The following PCDH9 variants were observed in gnomAD, a reference collection of about 807,000 sequenced individuals.
PCDH9 encodes the protein protocadherin 9.
Under a neutral mutation model 70.6 loss-of-function variants are expected in PCDH9, and 24 were observed. The ratio of observed to expected loss-of-function variants is 0.34; its 90% CI spans 0.25 to 0.48. PCDH9 has a LOEUF of 0.48. Ranked by LOEUF, PCDH9 falls within the 20% of genes least tolerant of loss-of-function variation. The pLI is 0.99. For missense variants in PCDH9, 1,281 were observed against 1,503.6 expected (o/e 0.85, Z 2.45); for synonymous variants, 562 against 558.5 (o/e 1.01, Z -0.09).
intron 3 of PCDH9, among the ~76,000 whole-genome samples, chr13:66,750,256 GTTAA>G (rs1566169293): frequency 6.6e-6 from 1 of 152,104 alleles, no homozygotes; most frequent in Non-Finnish European, 1.5e-5. Context: ...TTTAAAATTA[GTTAA>G]TTATCAAACA....
chr13:66,580,439 G>C (rs1322539162), intron 4 of PCDH9, among the ~76,000 whole-genome samples: 1 of 151,870 alleles, frequency 6.6e-6, no homozygotes, highest in African/African-American at 2.4e-5. Context: ...TCTGTTATCA[G>C]CATAAATGCA....
chr13:66,723,422 C>A (rs374150034), intron 3 of PCDH9, among the ~76,000 whole-genome samples: 69 of 152,214 alleles, frequency 4.5e-4, no homozygotes, highest in African/African-American at 1.6e-3. Flanking sequence ...TTACATTTTA[C>A]AAATTCAGGG....
chr13:66,419,454 C>A (rs541823180), intron 4 of PCDH9, among the ~76,000 whole-genome samples: 1 of 151,460 alleles, frequency 6.6e-6, no homozygotes, highest in Admixed American at 6.6e-5. Context: ...ACTGAGGTAC[C>A]CAGTTCATCT....
chr13:66,624,689 A>G (rs2077475417), intron 4 of PCDH9, among the ~76,000 whole-genome samples: 1 of 152,250 alleles, frequency 6.6e-6, no homozygotes, highest in Admixed American at 6.5e-5. Flanking sequence ...CTAGTCTTAC[A>G]AATACACATG....
chr13:66,427,921 G>T (rs1346429921), intron 4 of PCDH9, among the ~76,000 whole-genome samples: 1 of 151,640 alleles, frequency 6.6e-6, no homozygotes, highest in African/African-American at 2.4e-5. Context: ...GCTGATAATT[G>T]TTAAGTAACA....
chr13:66,525,378 C>A (rs1960169374), intron 4 of PCDH9, among the ~76,000 whole-genome samples: 1 of 152,060 alleles, frequency 6.6e-6, no homozygotes, highest in South Asian at 2.1e-4. Flanking sequence ...CCAGTCCTAG[C>A]CCCTCCACAT....
chr13:66,485,654 C>T (rs1461162681), intron 4 of PCDH9, among the ~76,000 whole-genome samples: 1 of 152,078 alleles, frequency 6.6e-6, no homozygotes, highest in Non-Finnish European at 1.5e-5. Context: ...TATGGCAATG[C>T]ATAAATTATC....
intron 3 of PCDH9, among the ~76,000 whole-genome samples, chr13:66,829,519 T>C (rs1311225713): frequency 6.6e-6 from 1 of 151,946 alleles, no homozygotes; most frequent in Non-Finnish European, 1.5e-5. Flanking sequence ...TACATAACTG[T>C]ATATATTTGT....
intron 2 of PCDH9, among the ~76,000 whole-genome samples, chr13:67,089,816 T>C (rs1214188204): frequency 6.6e-6 from 1 of 151,996 alleles, no homozygotes; most frequent in Non-Finnish European, 1.5e-5. Context: ...GAGAGATCCT[T>C]AGATGAAAAA....
At chr13:66,472,570 A>C (rs1455459697) in intron 4 of PCDH9, among the ~76,000 whole-genome samples, 2 of 152,188 alleles carry the variant, frequency 1.3e-5, no homozygotes, top group African/African-American at 4.8e-5. Context: ...ACCCTATCTC[A>C]AAACAACAAC....
intron 3 of PCDH9, among the ~76,000 whole-genome samples, chr13:66,778,202 T>C (rs939979452): frequency 2.6e-5 from 4 of 151,712 alleles, no homozygotes; most frequent in Admixed American, 6.6e-5. Flanking sequence ...TTAATGGGTG[T>C]AGCACACCAG....
chr13:66,539,869 CCT>C (rs1960871751), intron 4 of PCDH9, among the ~76,000 whole-genome samples: 1 of 102,106 alleles, frequency 9.8e-6, no homozygotes. Flanking sequence ...TTCTTTTTTT[CCT>C]TTTTTTTTTT....
At chr13:66,611,327 G>A (rs1290446032) in intron 4 of PCDH9, among the ~76,000 whole-genome samples, 1 of 152,112 alleles carries the variant, frequency 6.6e-6, no homozygotes, top group African/African-American at 2.4e-5. Flanking sequence ...AAGAAATTAA[G>A]AAGTTTCTGG....
At chr13:67,171,858 T>A (rs1002777568) in intron 2 of PCDH9, among the ~76,000 whole-genome samples, 4 of 152,146 alleles carry the variant, frequency 2.6e-5, no homozygotes, top group East Asian at 1.9e-4. Flanking sequence ...CAGAGCACAC[T>A]GTAAGCCCTC....
At chr13:66,484,307 A>G (rs1352235349) in intron 4 of PCDH9, among the ~76,000 whole-genome samples, 1 of 152,022 alleles carries the variant, frequency 6.6e-6, no homozygotes, top group Admixed American at 6.6e-5. Context: ...CAGGAACTGT[A>G]AACACTCACC....
intron 3 of PCDH9, among the ~76,000 whole-genome samples, chr13:66,695,198 C>T (rs575810225): frequency 8.3e-4 from 126 of 152,222 alleles, no homozygotes; most frequent in African/African-American, 2.8e-3. Context: ...CCACCGCGCC[C>T]GGTATATACA....
At chr13:66,320,320 C>G (rs148303910) in intron 4 of PCDH9, among the ~76,000 whole-genome samples, 88 of 152,090 alleles carry the variant, frequency 5.8e-4, no homozygotes, top group African/African-American at 1.9e-3. Context: ...GGCCTCTGTG[C>G]CTCAGTCTAC....
intron 4 of PCDH9, among the ~76,000 whole-genome samples, chr13:66,569,300 G>T (rs1487380730): frequency 1.3e-5 from 2 of 151,986 alleles, no homozygotes; most frequent in Non-Finnish European, 2.9e-5. Context: ...TTACAGGCAT[G>T]AGCCACTACA....
At chr13:66,906,924 G>A (rs768715089) in intron 2 of PCDH9, among the ~76,000 whole-genome samples, 4 of 152,070 alleles carry the variant, frequency 2.6e-5, no homozygotes, top group African/African-American at 4.8e-5. Context: ...TAAAAGTCTC[G>A]GCTGGGCGCA....
Sources: allele counts gnomAD v4.1 joint callset (sites outside exome capture counted in the v4.1 genomes callset), GRCh38; gene constraint gnomAD v4.1.1; transcripts MANE v1.5; gene names NCBI Gene and HGNC (gene_info 2026-07-23, HGNC 2026-07-21).